The following KIF13A variants were observed in gnomAD, a reference collection of about 807,000 sequenced individuals.
KIF13A encodes the protein kinesin family member 13A.
A neutral mutation model predicts 212.2 loss-of-function variants in KIF13A; 79 were observed. The observed-to-expected ratio is 0.37, with a 90% CI of 0.31 to 0.45. KIF13A has a LOEUF of 0.45. KIF13A is among the 20% of genes least tolerant of loss of function. The pLI, the probability that KIF13A is intolerant of heterozygous loss-of-function variation, is 1.00. For synonymous variants in KIF13A, 789 were observed against 808.6 expected, an observed-to-expected ratio of 0.98 and a Z score of 0.41; for missense variants, 1,901 against 2,209.0, an observed-to-expected ratio of 0.86 and a Z score of 2.79.
chr6:17,869,687 A>G (rs746475572), intron 4 of KIF13A, among the ~76,000 whole-genome samples: 21 of 152,222 alleles, frequency 1.4e-4, no homozygotes, highest in Non-Finnish European at 2.6e-4. Context: ...GGGAGCGTGG[A>G]GGCTCTTCCT....
In KIF13A at chr6:17,773,781, T is replaced by A. The variant is rs1759699832; in HGVS notation, c.4219-198A>T. Among the ~76,000 whole-genome samples the A allele has an allele frequency of 6.6e-6, 1 of 152,214 alleles. No individual in the cohort carries two copies. Among genetic ancestry groups the A allele is most frequent in the African/African-American group, 2.4e-5 (1 of 41,458 alleles). ...ATATCCAAGGTATACCCGGAGTGAATACATGTTAATATTTTATTATATTTG... is the reference window on the plus strand; with the variant it reads ...ATATCCAAGGTATACCCGGAGTGAAAACATGTTAATATTTTATTATATTTG... On this transcript the variant is annotated intron_variant, in intron 35 of 38. Coordinates refer to ENST00000259711, the MANE Select transcript of KIF13A (RefSeq NM_022113.6). This position sits in a 1 kb window ranked among gnomAD's most constrained non-coding sequence, Gnocchi z 4.2.
At chr6:17,821,948 G>A (rs142374880) in intron 16 of KIF13A, 16 of 1,532,400 alleles carry the variant, frequency 1.0e-5, no homozygotes, top group Non-Finnish European at 9.6e-6. Flanking sequence ...TCCAGCCACC[G>A]GCACATCAGC....
Position 17,763,982 on chromosome 6 carries a change from A to T in KIF13A, c.*128T>A. The T allele has an allele frequency of 6.9e-7, 1 of 1,450,866 alleles. No homozygotes were observed. Among genetic ancestry groups the T allele is most frequent in the East Asian group, 2.5e-5 (1 of 40,152 alleles). The allele number at this position is 1,450,866 out of a possible 1,614,324, so 89.9% of individuals were successfully genotyped here. ...AAAACAGACTTGCTCTCCGACAGAGACAGCTGTGCAGGAAGTGAGCCTGCT... is the reference window on the plus strand; with the variant it reads ...AAAACAGACTTGCTCTCCGACAGAGTCAGCTGTGCAGGAAGTGAGCCTGCT... On this transcript the variant is annotated 3_prime_UTR_variant, in exon 39 of 39. Transcript: ENST00000259711.
chr6:17,962,689 G>A (rs1778938906), intron 2 of KIF13A, among the ~76,000 whole-genome samples: 1 of 152,142 alleles, frequency 6.6e-6, no homozygotes, highest in Non-Finnish European at 1.5e-5. Flanking sequence ...CAACCACAGA[G>A]TACTTCTGTT....
Position 17,809,249 on chromosome 6 carries a change from C to T in KIF13A, c.2001-319G>A, listed in dbSNP as rs1159517563. On this transcript the variant is annotated intron_variant, in intron 17 of 38. Coordinates refer to ENST00000259711, the MANE Select transcript of KIF13A (RefSeq NM_022113.6). This position sits in a 1 kb window ranked among gnomAD's most constrained non-coding sequence, Gnocchi z 4.7. Reference sequence around the variant, plus strand: ...CTTTGGGAAAAACAAACGATGATTACGACTTGTGTGTGCTGAGGGAGGGTG... The same window carrying T: ...CTTTGGGAAAAACAAACGATGATTATGACTTGTGTGTGCTGAGGGAGGGTG... 6.6e-6 allele frequency among the ~76,000 whole-genome samples: 1 copy of T among 152,228 alleles called. No homozygotes were observed. Among genetic ancestry groups the T allele is most frequent in the South Asian group, 2.1e-4 (1 of 4,822 alleles).
rs1765731522 is a variant in KIF13A, at chr6:17,834,355, A to T, written c.1156-284T>A. On this transcript the variant is annotated intron_variant, in intron 11 of 38. Transcript: ENST00000259711. The surrounding 1 kb of genome is among the most constrained non-coding windows in gnomAD (Gnocchi z 4.0). ...CACATTTAAAGCCCTAAAAGATGCT[A>T]ACGTTCAACTTTGAAATAGATAAGC... Among the ~76,000 whole-genome samples the T allele has an allele frequency of 6.6e-6, 1 of 152,258 alleles. No homozygotes were observed. Among genetic ancestry groups the T allele is most frequent in the African/African-American group, 2.4e-5 (1 of 41,470 alleles).
intron 9 of KIF13A, among the ~76,000 whole-genome samples, chr6:17,847,553 CAT>C (rs1200614183): frequency 6.6e-6 from 1 of 152,138 alleles, no homozygotes; most frequent in Non-Finnish European, 1.5e-5. Context: ...GCTGTGCAAA[CAT>C]GTTCCTGAAT....
chr6:17,833,014 C>CAAAAAAAAAAAAAAA lies in KIF13A; in HGVS notation c.1266+932_1266+946dup, dbSNP rs61281213. ...GGGCGACAGAGAGAGACTCTGTCTG[C>CAAAAAAAAAAAAAAA]AAAAAAAAAAAAAAAAAAAAAAAAA... On this transcript the variant is annotated intron_variant, in intron 12 of 38. Transcript: ENST00000259711. 9.3e-5 allele frequency among the ~76,000 whole-genome samples: 7 copies of CAAAAAAAAAAAAAAA among 75,394 alleles called. 1 individual carries two copies. The highest frequency in any genetic ancestry group is 4.7e-4 in the African/African-American group (7 of 14,800). 49.5% of individuals were successfully genotyped at this position (75,394 alleles called of 152,430 possible). A position where few individuals can be genotyped will look rare whatever the true frequency, so the allele number is the denominator to read the frequency against.
chr6:17,833,899 A>T, intron 12 of KIF13A, 62 bp downstream of exon 12: 1 of 860,992 alleles, frequency 1.2e-6, no homozygotes, highest in Non-Finnish European at 1.7e-6. Context: ...ACAGCAAACT[A>T]CACAGAAAAG....
rs1373395300 is a variant in KIF13A, at chr6:17,918,287, A to AATACATAC, written c.147-20115_147-20108dup. Among the ~76,000 whole-genome samples, 2 of 152,108 alleles carry AATACATAC rather than the reference A, an allele frequency of 1.3e-5. No individual in the cohort carries two copies. The highest frequency in any genetic ancestry group is 2.9e-5 in the Non-Finnish European group (2 of 68,032). ...GCAGAGGATAAATGTTTACTGAATA[A>AATACATAC]ATACATACATGCATAAAAAATAGTC... On this transcript the variant is annotated intron_variant, in intron 2 of 38. Transcript: ENST00000259711. This position sits in a 1 kb window ranked among gnomAD's most constrained non-coding sequence, Gnocchi z 4.8.
At chr6:17,911,318 G>C (rs574638520) in intron 2 of KIF13A, among the ~76,000 whole-genome samples, 1 of 152,250 alleles carries the variant, frequency 6.6e-6, no homozygotes, top group East Asian at 1.9e-4. Flanking sequence ...CAGCCCTTCG[G>C]GTGTGCATCA....
intron 2 of KIF13A, among the ~76,000 whole-genome samples, chr6:17,925,307 T>C (rs1775407434): frequency 6.6e-6 from 1 of 152,222 alleles, no homozygotes; most frequent in African/African-American, 2.4e-5. Context: ...ACAAAGTTTT[T>C]CGCTTGAGCG....
intron 4 of KIF13A, among the ~76,000 whole-genome samples, chr6:17,864,015 A>C (rs73371169): frequency 0.011 from 1,689 of 152,316 alleles, 24 homozygotes; most frequent in African/African-American, 0.038. Context: ...TTTTCCGACT[A>C]GTTTACACTC....
At chr6:17,841,898 T>A (rs549419471) in intron 9 of KIF13A, among the ~76,000 whole-genome samples, 1 of 152,114 alleles carries the variant, frequency 6.6e-6, no homozygotes, top group East Asian at 1.9e-4. Context: ...AAGTTCAACG[T>A]CTGAAAGGCG....
In KIF13A at chr6:17,850,605, G is replaced by T; in HGVS notation, c.583-148C>A. ...TCCCTGCCGCTCCTCCATTGAGCAT[G>T]GTTTGAGCTTCCACCTCACTCAAGA... On this transcript the variant is annotated intron_variant, in intron 7 of 38. Coordinates refer to ENST00000259711, the MANE Select transcript of KIF13A (RefSeq NM_022113.6). This position sits in a 1 kb window ranked among gnomAD's most constrained non-coding sequence, Gnocchi z 6.2. 1.4e-6 allele frequency: 1 copy of T among 701,226 alleles called. No homozygotes were observed. The highest frequency in any genetic ancestry group is 2.3e-5 in the South Asian group (1 of 43,104). The allele number at this position is 701,226 out of a possible 1,614,324, so 43.4% of individuals were successfully genotyped here.
intron 2 of KIF13A, among the ~76,000 whole-genome samples, chr6:17,931,397 G>A (rs1775973088): frequency 6.6e-6 from 1 of 152,054 alleles, no homozygotes; most frequent in South Asian, 2.1e-4. Context: ...CTAACTAATG[G>A]GGCTATTGAG....
At chr6:17,943,036 G>A (rs1260534454) in intron 2 of KIF13A, among the ~76,000 whole-genome samples, 1 of 152,008 alleles carries the variant, frequency 6.6e-6, no homozygotes, top group African/African-American at 2.4e-5. Context: ...TTAAAGCAGA[G>A]AATCATAAAA....
At chr6:17,864,065 C>CCCATAGACATGGGAA (rs1421951864) in intron 4 of KIF13A, among the ~76,000 whole-genome samples, 1 of 152,108 alleles carries the variant, frequency 6.6e-6, no homozygotes. Context: ...GAAAGCATAC[C>CCCATAGACATGGGAA]AGCCCATAAA....
rs1418489603 is a variant in KIF13A at position 17,764,202 on chromosome 6, C to T, written c.5326G>A (p.Gly1776Arg). 16 of 1,614,008 alleles carry T rather than the reference C, an allele frequency of 9.9e-6. No individual in the cohort carries two copies. Among genetic ancestry groups the T allele is most frequent in the Middle Eastern group, 1.6e-4 (1 of 6,062 alleles). ...TGCAGCTGGCTGGGGTGGTGGAGCC[C>T]ATCGGAGACAGTCTTGCCGCCTGTT... is the stretch of plus-strand genomic sequence containing the variant. ...NKTGGKTVSD[G>R]LHHPSQLHSK... The change falls in exon 39 of 39, where the codon GGG (glycine) becomes AGG (arginine). Residue 1776 changes from glycine to arginine, a missense_variant. Gly to Arg is a moderately radical substitution (Grantham distance 125). Coordinates refer to ENST00000259711, the MANE Select transcript of KIF13A (RefSeq NM_022113.6). The surrounding 1 kb of genome is among the most constrained non-coding windows in gnomAD (Gnocchi z 5.1).
Sources: gnomAD v4.1 joint callset for allele counts (sites outside exome capture counted in the v4.1 genomes callset) on GRCh38, gnomAD v4.1.1 for gene constraint, Gnocchi (gnomAD v3.1) non-coding constraint, MANE v1.5 for transcripts, NCBI Gene and HGNC (gene_info 2026-07-23, HGNC 2026-07-21) for gene names.